The following CACNA2D1 variants were observed in gnomAD, a reference collection of about 807,000 sequenced individuals.
CACNA2D1 encodes the protein voltage-dependent calcium channel subunit alpha-2/delta-1.
A neutral mutation model predicts 171.5 loss-of-function variants in CACNA2D1; 53 were observed. The observed-to-expected ratio is 0.31, with a 90% CI of 0.25 to 0.39. CACNA2D1 has a LOEUF of 0.39. Ranked by LOEUF, CACNA2D1 falls within the 10% of genes least tolerant of loss-of-function variation. The pLI is 1.00. For missense variants in CACNA2D1, 903 were observed against 1,299.8 expected (o/e 0.69, Z 4.69); for synonymous variants, 442 against 443.1 (o/e 1.00, Z 0.03).
At chr7:82,183,458 T>A (rs1055070147) in intron 3 of CACNA2D1, among the ~76,000 whole-genome samples, 3 of 152,212 alleles carry the variant, frequency 2.0e-5, no homozygotes, top group Non-Finnish European at 2.9e-5. Context: ...TTGGTTTTTA[T>A]TTTTAGTTAA....
At chr7:82,356,618 T>A (rs1224225267) in intron 1 of CACNA2D1, among the ~76,000 whole-genome samples, 1 of 152,036 alleles carries the variant, frequency 6.6e-6, no homozygotes, top group Non-Finnish European at 1.5e-5. Context: ...ATTTATTGAA[T>A]AGAAAAGTAA....
intron 7 of CACNA2D1, 149 bp downstream of exon 7, chr7:82,084,620 T>C: frequency 1.1e-6 from 1 of 940,372 alleles, no homozygotes; most frequent in Non-Finnish European, 1.7e-6. Flanking sequence ...CTGTGGTCAA[T>C]CCAAAGCCAT....
At chr7:82,061,273 T>G (rs1172080334) in intron 9 of CACNA2D1, among the ~76,000 whole-genome samples, 1 of 152,158 alleles carries the variant, frequency 6.6e-6, no homozygotes, top group Non-Finnish European at 1.5e-5. Context: ...TGTTCTTCCC[T>G]CTCAACCTTC....
intron 20 of CACNA2D1, among the ~76,000 whole-genome samples, chr7:81,991,822 C>T (rs1011531215): frequency 1.1e-4 from 16 of 151,620 alleles, no homozygotes; most frequent in South Asian, 4.2e-4. Context: ...TTAGGTATTG[C>T]GATGGCACAT....
intron 3 of CACNA2D1, among the ~76,000 whole-genome samples, chr7:82,224,207 T>C (rs986171623): frequency 1.3e-5 from 2 of 152,196 alleles, no homozygotes; most frequent in Non-Finnish European, 2.9e-5. Flanking sequence ...TTATTGATAA[T>C]AATTCCTTAA....
intron 3 of CACNA2D1, among the ~76,000 whole-genome samples, chr7:82,185,284 C>A (rs946569372): frequency 2.6e-5 from 4 of 150,982 alleles, no homozygotes; most frequent in Non-Finnish European, 5.9e-5. Context: ...TTTGTCACTA[C>A]CCCACTGCAT....
chr7:81,959,478 C>T, intron 37 of CACNA2D1, 121 bp from the exon 38 acceptor site: 1 of 783,948 alleles, frequency 1.3e-6, no homozygotes, highest in Non-Finnish European at 2.2e-6. Flanking sequence ...TACTCTCATC[C>T]AACACAATTC....
chr7:82,200,988 G>A (rs963239657), intron 3 of CACNA2D1, among the ~76,000 whole-genome samples: 1 of 152,142 alleles, frequency 6.6e-6, no homozygotes, highest in African/African-American at 2.4e-5. Context: ...TAATAAAACA[G>A]AGTTTTAAAA....
At chr7:81,967,483 T>G in intron 30 of CACNA2D1, 113 bp downstream of exon 30, 1 of 664,954 alleles carries the variant, frequency 1.5e-6, no homozygotes. Flanking sequence ...GAATTCTACT[T>G]CAGTGTAGTG....
chr7:82,116,617 A>G (rs891350297), intron 6 of CACNA2D1, among the ~76,000 whole-genome samples: 5 of 152,340 alleles, frequency 3.3e-5, no homozygotes, highest in Non-Finnish European at 7.3e-5. Flanking sequence ...GACAGACATG[A>G]GAAGTCATAA....
At chr7:82,415,106 C>T (rs1828035866) in intron 1 of CACNA2D1, among the ~76,000 whole-genome samples, 1 of 152,192 alleles carries the variant, frequency 6.6e-6, no homozygotes, top group African/African-American at 2.4e-5. Flanking sequence ...ACCCATTACA[C>T]ATTTTCCAAA....
rs949470826 is a variant in CACNA2D1 at position 82,022,961 on chromosome 7, A to T, written c.1144-8482T>A. 2.6e-5 allele frequency among the ~76,000 whole-genome samples: 4 copies of T among 151,968 alleles called. No homozygotes were observed. In the East Asian group the frequency reaches 5.8e-4, roughly 22 times the overall value. ...ATTTGAATGTTTTTTCATTTTTTAA[A>T]TTAATTCTGAGAATTAAAGAATCAG... is the stretch of plus-strand genomic sequence containing the variant. On this transcript the variant is annotated intron_variant, in intron 12 of 38. Coordinates refer to ENST00000356860, the MANE Select transcript of CACNA2D1 (RefSeq NM_000722.4).
In CACNA2D1 at chr7:82,380,963, G is replaced by A. The variant is rs566967438; in HGVS notation, c.96-31314C>T. Among the ~76,000 whole-genome samples, 180 of 151,984 alleles carry A rather than the reference G, an allele frequency of 1.2e-3. 1 individual carries two copies. Among genetic ancestry groups the A allele is most frequent in the African/African-American group, 4.2e-3 (176 of 41,486 alleles). On this transcript the variant is annotated intron_variant, in intron 1 of 38. Coordinates refer to ENST00000356860, the MANE Select transcript of CACNA2D1 (RefSeq NM_000722.4). Reference sequence around the variant, plus strand: ...GCCTGCCTTGGCCTCCCAAAGTGCTGGGACTACAGGCATGAGCCACTGCGC... The same window carrying A: ...GCCTGCCTTGGCCTCCCAAAGTGCTAGGACTACAGGCATGAGCCACTGCGC...
intron 10 of CACNA2D1, among the ~76,000 whole-genome samples, chr7:82,047,220 T>C (rs954673595): frequency 6.6e-6 from 1 of 152,142 alleles, no homozygotes; most frequent in African/African-American, 2.4e-5. Context: ...TTATTTCCAT[T>C]ACAAATGTTT....
intron 6 of CACNA2D1, among the ~76,000 whole-genome samples, chr7:82,092,688 C>G (rs754256135): frequency 6.6e-6 from 1 of 151,526 alleles, no homozygotes; most frequent in Non-Finnish European, 1.5e-5. Context: ...CCACCATGCC[C>G]GGCCACTTCA....
At chr7:82,428,431 T>C (rs1463947322) in intron 1 of CACNA2D1, among the ~76,000 whole-genome samples, 2 of 152,192 alleles carry the variant, frequency 1.3e-5, no homozygotes, top group Admixed American at 6.6e-5. Flanking sequence ...ATTTATTTTA[T>C]GACTTGGACC....
At chr7:82,086,960 G>C (rs1462229764) in intron 6 of CACNA2D1, among the ~76,000 whole-genome samples, 1 of 152,006 alleles carries the variant, frequency 6.6e-6, no homozygotes, top group Admixed American at 6.6e-5. Context: ...ATTTCCAGTT[G>C]ATGCTTTGAA....
At chr7:82,197,928 A>T (rs1799016972) in intron 3 of CACNA2D1, among the ~76,000 whole-genome samples, 1 of 151,986 alleles carries the variant, frequency 6.6e-6, no homozygotes, top group African/African-American at 2.4e-5. Context: ...ACATATGTCT[A>T]CCTGGAATAA....
rs965705994 is a variant in CACNA2D1 at position 82,393,666 on chromosome 7, T to C, written c.96-44017A>G. ...CCCTACCAGTGACTAAGCTCTCGGGTGTGGCTACTAAATGCTGCACTGTAT... is the reference window on the plus strand; with the variant it reads ...CCCTACCAGTGACTAAGCTCTCGGGCGTGGCTACTAAATGCTGCACTGTAT... On this transcript the variant is annotated intron_variant, in intron 1 of 38. Coordinates refer to ENST00000356860, the MANE Select transcript of CACNA2D1 (RefSeq NM_000722.4). Among the ~76,000 whole-genome samples the C allele has an allele frequency of 2.6e-5, 4 of 152,168 alleles. No individual in the cohort carries two copies. The East Asian group carries it at 7.7e-4, about 29-fold the overall frequency.
Sources: allele counts gnomAD v4.1 joint callset (sites outside exome capture counted in the v4.1 genomes callset), GRCh38; gene constraint gnomAD v4.1.1; transcripts MANE v1.5; gene names NCBI Gene and HGNC (gene_info 2026-07-23, HGNC 2026-07-21).